FREM3: variants seen among roughly 807,000 people sequenced by gnomAD.
FREM3 encodes the protein FRAS1-related extracellular matrix protein 3.
Under a neutral mutation model 129.1 loss-of-function variants are expected in FREM3, and 105 were observed. The ratio of observed to expected loss-of-function variants is 0.81; its 90% confidence interval spans 0.69 to 0.96. FREM3 has a LOEUF of 0.96. Ranked by LOEUF, FREM3 falls within the 40% of genes least tolerant of loss-of-function variation. FREM3 has a pLI of 0.00. For missense variants in FREM3, 2,593 were observed against 2,666.3 expected (o/e 0.97, Z 0.61); for synonymous variants, 1,014 against 1,044.9 (o/e 0.97, Z 0.57).
intron 5 of FREM3, 57 bp from the exon 6 acceptor site, chr4:143,611,584 A>G: frequency 6.8e-7 from 1 of 1,466,524 alleles, no homozygotes; most frequent in Non-Finnish European, 9.1e-7. Flanking sequence ...TCCAAACAAG[A>G]AGCCTGTCTG....
chr4:143,601,411 A>G (rs771694038), intron 6 of FREM3, among the ~76,000 whole-genome samples: 1 of 152,228 alleles, frequency 6.6e-6, no homozygotes, highest in African/African-American at 2.4e-5. Flanking sequence ...CTACTGCCTC[A>G]GGACAAAATA....
chr4:143,638,790 A>G (rs2149845679), intron 2 of FREM3, among the ~76,000 whole-genome samples: 1 of 152,266 alleles, frequency 6.6e-6, no homozygotes, highest in East Asian at 1.9e-4. Context: ...ACAGATACAG[A>G]GTATTGTGAC....
intron 7 of FREM3, among the ~76,000 whole-genome samples, chr4:143,580,150 A>G (rs936492767): frequency 3.3e-5 from 5 of 152,158 alleles, no homozygotes; most frequent in Non-Finnish European, 5.9e-5. Flanking sequence ...AGAAGCTGTT[A>G]GTGTGTGCTG....
At position 143,618,319 on chromosome 4, in the gene FREM3, G is replaced by A. The variant is rs201070426; in HGVS notation, c.5779+2718C>T. Among the ~76,000 whole-genome samples the A allele has an allele frequency of 1.6e-4, 24 of 151,916 alleles. No individual in the cohort carries two copies. In the East Asian group the frequency reaches 4.5e-3, roughly 28 times the overall value. Reference sequence around the variant, plus strand: ...GCCTGGAAAACTCCCTGCATAGCTGGTGCACAACTCAGACTGCTTGACACC... The same window carrying A: ...GCCTGGAAAACTCCCTGCATAGCTGATGCACAACTCAGACTGCTTGACACC... On this transcript the variant is annotated intron_variant, in intron 5 of 7. Coordinates refer to ENST00000329798, the MANE Select transcript of FREM3 (RefSeq NM_001168235.2).
chr4:143,655,511 A>G (rs1284339920), intron 2 of FREM3, among the ~76,000 whole-genome samples: 4 of 152,232 alleles, frequency 2.6e-5, no homozygotes, highest in Non-Finnish European at 5.9e-5. Flanking sequence ...ATCTCTTCTC[A>G]GTACTCTGAA....
In FREM3 at chr4:143,585,278, T is replaced by C. The variant is rs970789131; in HGVS notation, c.6178+566A>G. ...ACATGGAAATGTCCTTTTCTTTTCC[T>C]ATTGGGTCCTGTTCTTTTTCTGATA... is the stretch of plus-strand genomic sequence containing the variant. On this transcript the variant is annotated intron_variant, in intron 7 of 7. Coordinates refer to ENST00000329798, the MANE Select transcript of FREM3 (RefSeq NM_001168235.2). This position sits in a 1 kb window ranked among gnomAD's most constrained non-coding sequence, Gnocchi z 4.2. Among the ~76,000 whole-genome samples, 1 of 152,236 alleles carries C rather than the reference T, an allele frequency of 6.6e-6. No homozygotes were observed. The highest frequency in any genetic ancestry group is 2.4e-5 in the African/African-American group (1 of 41,464).
chr4:143,689,702 C>T (rs1008168532), intron 2 of FREM3, among the ~76,000 whole-genome samples: 1 of 151,810 alleles, frequency 6.6e-6, no homozygotes, highest in African/African-American at 2.4e-5. Context: ...ACTATGCAGC[C>T]ATAAAAGGAA....
intron 2 of FREM3, among the ~76,000 whole-genome samples, chr4:143,668,163 A>G (rs575960896): frequency 6.6e-6 from 1 of 152,368 alleles, no homozygotes; most frequent in African/African-American, 2.4e-5. Flanking sequence ...CAGGTGGAGT[A>G]TTACTACAGG....
At chr4:143,656,072 T>C (rs1033496795) in intron 2 of FREM3, among the ~76,000 whole-genome samples, 7 of 152,200 alleles carry the variant, frequency 4.6e-5, no homozygotes, top group Non-Finnish European at 8.8e-5. Context: ...CTGTCTAATG[T>C]ATTGCAGTAA....
chr4:143,678,736 G>T (rs1307304364), intron 2 of FREM3, among the ~76,000 whole-genome samples: 1 of 151,896 alleles, frequency 6.6e-6, no homozygotes. Flanking sequence ...AAATGAAAGA[G>T]AAAAATGCCT....
At chr4:143,667,250 A>G (rs908634308) in intron 2 of FREM3, among the ~76,000 whole-genome samples, 17 of 152,224 alleles carry the variant, frequency 1.1e-4, no homozygotes, top group South Asian at 4.1e-4. Flanking sequence ...TATTCTATAT[A>G]CAGATCTCTT....
At chr4:143,683,214 G>A (rs968564362) in intron 2 of FREM3, among the ~76,000 whole-genome samples, 26 of 152,204 alleles carry the variant, frequency 1.7e-4, no homozygotes, top group African/African-American at 5.1e-4. Flanking sequence ...CGGACAGAGC[G>A]AGCAGGGGCT....
In FREM3 at chr4:143,695,883, T is replaced by C. The variant is rs200915815; in HGVS notation, c.4793A>G (p.Lys1598Arg). 109 of 1,537,518 alleles carry C rather than the reference T, an allele frequency of 7.1e-5. 2 individuals carry two copies. In the Middle Eastern group the frequency reaches 2.7e-3, roughly 38 times the overall value. ...NGSRPVTTFTKQDLNKNLISY... is the reference protein window; with the variant it reads ...NGSRPVTTFTRQDLNKNLISY... Reference sequence around the variant, plus strand: ...AATCAGGTTCTTGTTCAGGTCTTGCTTGGTGAAAGTGGTCACGGGACGGCT... The same window carrying C: ...AATCAGGTTCTTGTTCAGGTCTTGCCTGGTGAAAGTGGTCACGGGACGGCT... Residue 1598 changes from lysine (K) to arginine (R), a missense_variant, in exon 1 of 8, where the codon AAG (lysine) becomes AGG (arginine). Physicochemically the swap from Lys to Arg is conservative, Grantham distance 26 (BLOSUM62 2). Transcript: ENST00000329798.
At chr4:143,610,723 TTG>T (rs1360093435) in intron 6 of FREM3, among the ~76,000 whole-genome samples, 2 of 152,310 alleles carry the variant, frequency 1.3e-5, no homozygotes, top group East Asian at 3.9e-4. Context: ...GCTTGATACT[TTG>T]TGTCGTGTCT....
chr4:143,695,844 T>C lies in FREM3; in HGVS notation c.4832A>G (p.Asp1611Gly). The change falls in exon 1 of 8, where the codon GAC becomes GGC. Residue 1611 changes from aspartate to glycine, a missense_variant. Transcript: ENST00000329798. ...LNKNLISYKHDGSETTEDSFS... is the reference protein window; with the variant it reads ...LNKNLISYKHGGSETTEDSFS... ...ACTATCTTCAGTGGTCTCACTGCCG[T>C]CATGCTTGTAGCTAATCAGGTTCTT... 2 of 1,537,416 alleles carry C rather than the reference T, an allele frequency of 1.3e-6. No homozygotes were observed. The highest frequency in any genetic ancestry group is 1.7e-6 in the Non-Finnish European group (2 of 1,146,950).
At chr4:143,643,864 C>T (rs150546452) in intron 2 of FREM3, among the ~76,000 whole-genome samples, 112 of 152,048 alleles carry the variant, frequency 7.4e-4, no homozygotes, top group East Asian at 6.4e-3. Flanking sequence ...GTGATGGATA[C>T]GGTAATTACC....
chr4:143,700,561 C>A lies in FREM3; in HGVS notation c.115G>T (p.Glu39Ter), dbSNP rs754723701. Residue 39 changes from glutamate (E) to a stop codon, truncating the protein, a stop_gained, in exon 1 of 8, where the codon GAG (glutamate) becomes TAG (stop). Transcript: ENST00000329798. LOFTEE classifies it high-confidence loss of function. The stretch of plus-strand genomic sequence containing the variant: ...GGCAGGTAAAGCGCCGGGTCGGGCT[C>A]GGTCCCAAGTGAGGATGCCCGTCCC... ...LQGRASSLGTEPDPALYLPAR... is the reference protein window; with the variant it reads ...LQGRASSLGT 8.6e-6 allele frequency: 13 copies of A among 1,515,794 alleles called. No homozygotes were observed. In the South Asian group the frequency reaches 1.5e-4, roughly 17 times the overall value. The allele number at this position is 1,515,794 out of a possible 1,614,324, so 93.9% of individuals were successfully genotyped here.
intron 6 of FREM3, among the ~76,000 whole-genome samples, chr4:143,588,278 A>G (rs1738279317): frequency 6.6e-6 from 1 of 152,138 alleles, no homozygotes; most frequent in African/African-American, 2.4e-5. Context: ...GTTTTAGGGT[A>G]CATGTGCACA....
At chr4:143,641,517 G>A (rs1311318275) in intron 2 of FREM3, among the ~76,000 whole-genome samples, 1 of 152,178 alleles carries the variant, frequency 6.6e-6, no homozygotes, top group Non-Finnish European at 1.5e-5. Flanking sequence ...AATTAGCGAG[G>A]AAAGGTTGGA....
Sources: gnomAD v4.1 joint callset for allele counts (sites outside exome capture counted in the v4.1 genomes callset) on GRCh38, gnomAD v4.1.1 for gene constraint, Gnocchi (gnomAD v3.1) non-coding constraint, MANE v1.5 for transcripts, NCBI Gene and HGNC (gene_info 2026-07-23, HGNC 2026-07-21) for gene names.